ADARB2: variants seen among roughly 807,000 people sequenced by gnomAD.
The protein encoded by ADARB2 is adenosine deaminase RNA specific B2 (inactive).
Under a neutral mutation model 62.2 loss-of-function variants are expected in ADARB2, and 25 were observed. The observed-to-expected ratio is 0.40, with a 90% CI of 0.29 to 0.56. The LOEUF is 0.56. Among genes scored for constraint, ADARB2 ranks in the 20% least tolerant of loss-of-function variants. The pLI is 0.43. For missense variants in ADARB2, 1,071 were observed against 1,077.4 expected, an observed-to-expected ratio of 0.99 and a Z score of 0.08; for synonymous variants, 572 against 500.8, an observed-to-expected ratio of 1.14 and a Z score of -1.90.
intron 1 of ADARB2, among the ~76,000 whole-genome samples, chr10:1,511,119 C>G (rs536997394): frequency 1.3e-5 from 2 of 152,278 alleles, no homozygotes; most frequent in South Asian, 4.1e-4. Context: ...GCTGGGATTA[C>G]AGATGTGGCC....
intron 3 of ADARB2, among the ~76,000 whole-genome samples, chr10:1,312,943 CA>C (rs1217094260): frequency 6.6e-6 from 1 of 152,132 alleles, no homozygotes; most frequent in East Asian, 1.9e-4. Context: ...ATGGAGTGGA[CA>C]CAAGAGGGCG....
At chr10:1,475,157 G>C (rs1160677497) in intron 1 of ADARB2, among the ~76,000 whole-genome samples, 5 of 152,036 alleles carry the variant, frequency 3.3e-5, no homozygotes, top group Admixed American at 6.6e-5. Flanking sequence ...GGGAGGGTCC[G>C]GCACTCAGGA....
chr10:1,618,396 G>T (rs1833668001), intron 1 of ADARB2, among the ~76,000 whole-genome samples: 1 of 152,106 alleles, frequency 6.6e-6, no homozygotes, highest in Non-Finnish European at 1.5e-5. Context: ...AACTTAAGAT[G>T]AATGAGAAGA....
At chr10:1,373,541 G>A (rs1832392891) in intron 2 of ADARB2, among the ~76,000 whole-genome samples, 1 of 152,228 alleles carries the variant, frequency 6.6e-6, no homozygotes, top group African/African-American at 2.4e-5. Flanking sequence ...GTGACTGTGT[G>A]CATGCGTGTG....
In ADARB2 at chr10:1,189,115, C is replaced by T. The variant is rs569958917; in HGVS notation, c.1865-4076G>A. ...GAGGTAACTCCCTGTCCTGGGATGT[C>T]TCCTGAGGACACTCCAGCATTGGGA... On this transcript the variant is annotated intron_variant, in intron 8 of 9. Coordinates refer to ENST00000381312, the MANE Select transcript of ADARB2 (RefSeq NM_018702.4). 7.9e-5 allele frequency among the ~76,000 whole-genome samples: 12 copies of T among 152,278 alleles called. No homozygotes were observed. The South Asian group carries it at 2.1e-3, about 26-fold the overall frequency.
At chr10:1,613,316 A>AT (rs1010262547) in intron 1 of ADARB2, among the ~76,000 whole-genome samples, 8 of 152,078 alleles carry the variant, frequency 5.3e-5, no homozygotes, top group South Asian at 2.1e-4. Flanking sequence ...CCATGAAAAG[A>AT]TTTTTTTTAA....
chr10:1,711,275 AAACTCAAGGTCTCCTGTCTGTGAGAACG>A (rs1187975758), intron 1 of ADARB2, among the ~76,000 whole-genome samples: 1 of 152,100 alleles, frequency 6.6e-6, no homozygotes, highest in African/African-American at 2.4e-5. Context: ...CTGTGAGAAC[AAACTCAAGGTCTCCTGTCTGTGAGAACG>A]AACTCAAGGT....
chr10:1,555,589 G>C (rs1044152985), intron 1 of ADARB2, among the ~76,000 whole-genome samples: 1 of 152,128 alleles, frequency 6.6e-6, no homozygotes, highest in African/African-American at 2.4e-5. Flanking sequence ...TTAAGAAACT[G>C]TGTCCCTGTG....
chr10:1,319,989 G>T (rs1307773865), intron 3 of ADARB2, among the ~76,000 whole-genome samples: 2 of 152,208 alleles, frequency 1.3e-5, no homozygotes, highest in Non-Finnish European at 1.5e-5. Flanking sequence ...AGCAGTGTGT[G>T]CACATAACAC....
At chr10:1,329,728 A>C (rs1233498482) in intron 3 of ADARB2, among the ~76,000 whole-genome samples, 1 of 152,116 alleles carries the variant, frequency 6.6e-6, no homozygotes. Context: ...CCTGCCAGGC[A>C]CTGGTCCCTG....
chr10:1,382,784 C>T (rs1247300106), intron 1 of ADARB2, among the ~76,000 whole-genome samples: 1 of 151,660 alleles, frequency 6.6e-6, no homozygotes, highest in Non-Finnish European at 1.5e-5. Flanking sequence ...CCCCACGCTA[C>T]CGCCGCCTCC....
At chr10:1,216,816 C>T (rs917140257) in intron 7 of ADARB2, 135 bp downstream of exon 7, 24 of 1,184,932 alleles carry the variant, frequency 2.0e-5, no homozygotes, top group Admixed American at 4.5e-5. Context: ...TGGAGTTCCA[C>T]GGCTCAGGCA....
intron 1 of ADARB2, among the ~76,000 whole-genome samples, chr10:1,595,515 G>T (rs1833321784): frequency 6.6e-6 from 1 of 152,160 alleles, no homozygotes. Flanking sequence ...GCATCTGCTG[G>T]TCGGAACCAT....
chr10:1,566,714 C>T (rs1048187268), intron 1 of ADARB2, among the ~76,000 whole-genome samples: 4 of 152,174 alleles, frequency 2.6e-5, no homozygotes, highest in Non-Finnish European at 5.9e-5. Context: ...CTGAATTATA[C>T]ACTATTTAGT....
chr10:1,188,507 T>G (rs1357596143), intron 8 of ADARB2, among the ~76,000 whole-genome samples: 3 of 152,130 alleles, frequency 2.0e-5, no homozygotes, highest in African/African-American at 7.2e-5. Flanking sequence ...CGCTTTGAGC[T>G]TCTAGGGAAG....
intron 1 of ADARB2, among the ~76,000 whole-genome samples, chr10:1,496,765 C>T (rs1486620074): frequency 6.6e-6 from 1 of 152,088 alleles, no homozygotes; most frequent in Non-Finnish European, 1.5e-5. Flanking sequence ...TTGTCATTAT[C>T]ACCAGCATCA....
At chr10:1,716,174 T>A (rs2119158070) in intron 1 of ADARB2, among the ~76,000 whole-genome samples, 1 of 152,236 alleles carries the variant, frequency 6.6e-6, no homozygotes, top group Admixed American at 6.5e-5. Context: ...TACTCAGTTC[T>A]CCCTGTACAT....
chr10:1,254,866 C>T lies in ADARB2; in HGVS notation c.1193-12567G>A, dbSNP rs1285213491. 2.6e-5 allele frequency among the ~76,000 whole-genome samples: 4 copies of T among 152,336 alleles called. No homozygotes were observed. In the Middle Eastern group the frequency reaches 0.014, roughly 518 times the overall value. Reference sequence around the variant, plus strand: ...CCACTCTGTGGGCATCCACAGATGCCATGGTCCCCATTTGCTGTACCTGAG... The same window carrying T: ...CCACTCTGTGGGCATCCACAGATGCTATGGTCCCCATTTGCTGTACCTGAG... On this transcript the variant is annotated intron_variant, in intron 4 of 9. Transcript: ENST00000381312.
At chr10:1,708,482 C>T (rs1213622455) in intron 1 of ADARB2, among the ~76,000 whole-genome samples, 1 of 152,184 alleles carries the variant, frequency 6.6e-6, no homozygotes, top group East Asian at 1.9e-4. Flanking sequence ...CCTTCCTGGT[C>T]AGAATCTTTC....
Sources: allele counts gnomAD v4.1 joint callset (sites outside exome capture counted in the v4.1 genomes callset), GRCh38; gene constraint gnomAD v4.1.1; transcripts MANE v1.5; gene names NCBI Gene and HGNC (gene_info 2026-07-23, HGNC 2026-07-21).